Variants in UPRT observed in about 807,000 individuals in gnomAD.
UPRT encodes RP11-311P8.3.
Under a neutral mutation model 22.6 loss-of-function variants are expected in UPRT, and 5 were observed. That is an observed-to-expected ratio of 0.22 (90% CI 0.12 to 0.47). UPRT has a LOEUF of 0.47. UPRT is among the 20% of genes least tolerant of loss of function. The pLI, the probability that UPRT is intolerant of heterozygous loss-of-function variation, is 0.99. For missense variants in UPRT, 181 were observed against 239.9 expected (o/e 0.75, Z 1.62); for synonymous variants, 77 against 87.7 (o/e 0.88, Z 0.68).
At chrX:75,221,619 A>G (rs1173766421) in intron 4 of UPRT, among the ~76,000 whole-genome samples, 1 of 111,766 alleles carries the variant, frequency 8.9e-6, no homozygotes, top group African/African-American at 3.3e-5. Flanking sequence ...TCTTCAGTAT[A>G]CATCAATTGC....
chrX:75,228,454 G>C (rs1412998297), intron 4 of UPRT, among the ~76,000 whole-genome samples: 3 of 111,552 alleles, frequency 2.7e-5, no homozygotes, highest in Non-Finnish European at 3.8e-5. Context: ...CCTTCATTTA[G>C]ATTTGGCCTT....
chrX:75,245,974 CTT>C (rs2147656213), intron 4 of UPRT, among the ~76,000 whole-genome samples: 1 of 111,580 alleles, frequency 9.0e-6, no homozygotes, highest in South Asian at 3.7e-4. Context: ...ATAATTTAAA[CTT>C]AATATATAAA....
At chrX:75,233,553 T>C (rs1301731386) in intron 4 of UPRT, among the ~76,000 whole-genome samples, 1 of 109,965 alleles carries the variant, frequency 9.1e-6, no homozygotes, top group Non-Finnish European at 1.9e-5. Context: ...CGGGTTACCC[T>C]CAAAGGGAAG....
chrX:75,189,396 T>G (rs1470013953), intron 4 of UPRT, among the ~76,000 whole-genome samples: 1 of 112,113 alleles, frequency 8.9e-6, no homozygotes, highest in Non-Finnish European at 1.9e-5. Context: ...AGTGCTTTAC[T>G]TCCAACTATG....
At chrX:75,162,560 G>A (rs1322136244) in intron 2 of UPRT, among the ~76,000 whole-genome samples, 1 of 111,314 alleles carries the variant, frequency 9.0e-6, no homozygotes, top group African/African-American at 3.3e-5. Context: ...ATTTTAATAA[G>A]ATGGGTTACA....
intron 4 of UPRT, among the ~76,000 whole-genome samples, chrX:75,180,704 T>G (rs1053098744): frequency 1.3e-3 from 122 of 94,984 alleles, no homozygotes; most frequent in African/African-American, 4.2e-3. Flanking sequence ...TGTTTTTTTT[T>G]TTTTTTTTTT....
In UPRT at chrX:75,289,196, A is replaced by G. The variant is rs371601798; in HGVS notation, c.387-4276A>G. On this transcript the variant is annotated intron_variant, in intron 1 of 6. Transcript: ENST00000373383. ...CCATATCTATAAAGTAAATAAATGA[A>G]AAAAAGTTCCATTTACAATAGCTGC... 5.4e-5 allele frequency among the ~76,000 whole-genome samples: 6 copies of G among 111,349 alleles called. No individual in the cohort carries two copies. The East Asian group carries it at 1.4e-3, about 26-fold the overall frequency.
At chrX:75,232,272 A>T (rs755034684) in intron 4 of UPRT, among the ~76,000 whole-genome samples, 3 of 112,653 alleles carry the variant, frequency 2.7e-5, no homozygotes, top group Non-Finnish European at 5.6e-5. Flanking sequence ...TATCCCGCAC[A>T]TGGCTCGGAG....
intron 1 of UPRT, among the ~76,000 whole-genome samples, chrX:75,292,848 G>A (rs1018265273): frequency 3.6e-5 from 4 of 111,252 alleles, no homozygotes; most frequent in African/African-American, 1.3e-4. Context: ...ATTGACCAGA[G>A]GAAATGGACA....
chrX:75,281,842 T>C (rs1347744077), intron 1 of UPRT, among the ~76,000 whole-genome samples: 1 of 111,598 alleles, frequency 9.0e-6, no homozygotes, highest in Non-Finnish European at 1.9e-5. Flanking sequence ...AGGAATGTTT[T>C]CAATTCTTCT....
Position 75,274,553 on chromosome X carries a change from G to T in UPRT, c.299G>T (p.Cys100Phe). The T allele has an allele frequency of 8.3e-7, 1 of 1,211,420 alleles. No individual in the cohort carries two copies. The highest frequency in any genetic ancestry group is 1.1e-6 in the Non-Finnish European group (1 of 895,336). The change falls in exon 1 of 7, where the codon TGC (cysteine) becomes TTC (phenylalanine). Residue 100 changes from cysteine to phenylalanine, a missense_variant. Around this residue, in one of 2 missense-constraint regions of UPRT, gnomAD observed 111 missense variants for 102.8 expected, o/e 1.08. Coordinates refer to ENST00000373383, the MANE Select transcript of UPRT (RefSeq NM_145052.4). ...APAGNSFLED[C>F]ELSRQIGAQL... ...GCTGGCAACTCCTTCCTAGAGGACT[G>T]CGAACTCTCCCGGCAGATCGGGGCG... is the stretch of plus-strand genomic sequence containing the variant.
At chrX:75,163,587 G>A (rs2082205730) in intron 3 of UPRT, among the ~76,000 whole-genome samples, 1 of 111,788 alleles carries the variant, frequency 8.9e-6, no homozygotes, top group African/African-American at 3.3e-5. Context: ...TGGGGTTGCA[G>A]ATCAAGTTGT....
chrX:75,167,587 T>C (rs1223669223), intron 3 of UPRT, among the ~76,000 whole-genome samples: 1 of 112,085 alleles, frequency 8.9e-6, no homozygotes, highest in African/African-American at 3.2e-5. Context: ...ATGTTTCACT[T>C]TCCATATGCA....
At chrX:75,263,427 T>A (rs983747622) in intron 4 of UPRT, among the ~76,000 whole-genome samples, 1 of 111,935 alleles carries the variant, frequency 8.9e-6, no homozygotes, top group Non-Finnish European at 1.9e-5. Context: ...GGGATTCAAC[T>A]TCTTCCTGGT....
chrX:75,272,364 ATATATATATG>A (rs2082613815), upstream of UPRT, among the ~76,000 whole-genome samples: 1 of 87,593 alleles, frequency 1.1e-5, no homozygotes, highest in African/African-American at 4.0e-5. Context: ...ATATGTGTAT[ATATATATATG>A]TATATATATA....
At chrX:75,241,455 A>G (rs1205722953) in intron 4 of UPRT, among the ~76,000 whole-genome samples, 1 of 111,740 alleles carries the variant, frequency 8.9e-6, no homozygotes, top group African/African-American at 3.3e-5. Context: ...TGAAAAGGGA[A>G]CACTTTTACA....
At chrX:75,281,264 C>T (rs370477152) in intron 1 of UPRT, among the ~76,000 whole-genome samples, 1 of 111,530 alleles carries the variant, frequency 9.0e-6, no homozygotes, top group Non-Finnish European at 1.9e-5. Flanking sequence ...ATTTCTTTCT[C>T]TTGTCTGATT....
intron 4 of UPRT, among the ~76,000 whole-genome samples, chrX:75,298,719 G>A (rs2082734682): frequency 8.9e-6 from 1 of 111,972 alleles, no homozygotes; most frequent in African/African-American, 3.2e-5. Context: ...CTTAAGCACT[G>A]ATAGCATTTC....
chrX:75,187,274 A>T (rs974364522), intron 4 of UPRT, among the ~76,000 whole-genome samples: 31 of 110,559 alleles, frequency 2.8e-4, no homozygotes, highest in African/African-American at 1.0e-3. Flanking sequence ...TTTCTCCTTC[A>T]CTTATGAAGC....
Sources: allele counts gnomAD v4.1 joint callset (sites outside exome capture counted in the v4.1 genomes callset), GRCh38; gene constraint gnomAD v4.1.1; regional missense constraint gnomAD v4.1.1; transcripts MANE v1.5; gene names NCBI Gene and HGNC (gene_info 2026-07-23, HGNC 2026-07-21).